Variants in ELAVL2 observed in about 807,000 individuals in gnomAD.
The protein encoded by ELAVL2 is ELAV-like protein 2.
A neutral mutation model predicts 34.6 loss-of-function variants in ELAVL2; 4 were observed. The observed-to-expected ratio is 0.12, with a 90% CI of 0.06 to 0.26. The LOEUF (loss-of-function observed/expected upper bound fraction) is 0.26. ELAVL2 is among the 10% of genes least tolerant of loss of function. The pLI is 1.00. For missense variants in ELAVL2, 432 were observed against 442.8 expected (o/e 0.98, Z 0.22); for synonymous variants, 193 against 154.8 (o/e 1.25, Z -1.83).
chr9:23,739,433 T>A (rs1427299436), intron 2 of ELAVL2, among the ~76,000 whole-genome samples: 1 of 152,164 alleles, frequency 6.6e-6, no homozygotes, highest in Non-Finnish European at 1.5e-5. Context: ...GTTAGGACAT[T>A]AACAACTCTA....
chr9:23,831,923 A>G, the ELAVL2 span, among the ~76,000 whole-genome samples: 51 of 152,330 alleles, frequency 3.3e-4, no homozygotes, highest in East Asian at 1.9e-4. Context: ...GCATCTGGCC[A>G]TGATTCCTAA....
At chr9:23,761,697 G>A (rs13294337) in intron 2 of ELAVL2, among the ~76,000 whole-genome samples, 19,399 of 151,752 alleles carry the variant, frequency 0.13, 1,362 homozygotes, top group East Asian at 0.24. Context: ...TACACTCAGG[G>A]TACTAAAAGA....
chr9:23,790,378 G>T (rs1361469159), intron 1 of ELAVL2, among the ~76,000 whole-genome samples: 1 of 152,174 alleles, frequency 6.6e-6, no homozygotes, highest in Non-Finnish European at 1.5e-5. Flanking sequence ...TTCCCAGTCT[G>T]TGACTGCACA....
At chr9:23,698,850 T>TCCA (rs2036177448) in intron 5 of ELAVL2, among the ~76,000 whole-genome samples, 1 of 152,164 alleles carries the variant, frequency 6.6e-6, no homozygotes, top group African/African-American at 2.4e-5. Context: ...TCTGATTTCT[T>TCCA]CCAACACACC....
Position 23,692,828 on chromosome 9 carries a change from C to T in ELAVL2, c.809G>A (p.Gly270Glu). The T allele has an allele frequency of 6.2e-7, 1 of 1,614,090 alleles. No individual in the cohort carries two copies. Among genetic ancestry groups the T allele is most frequent in the African/African-American group, 1.3e-5 (1 of 75,030 alleles). The change falls in exon 7 of 7, where the codon GGG becomes GAG. Residue 270 changes from glycine (G) to glutamate (E), a missense_variant. Around this residue, in one of 3 missense-constraint regions of ELAVL2, gnomAD observed 295 missense variants for 306.1 expected, o/e 0.96. Coordinates refer to ENST00000397312, the MANE Select transcript of ELAVL2 (RefSeq NM_004432.5). ...TATACACCACCCTGTTCCAGGGTGC[C>T]CAGGGATATTAATTCCAGCCAAACT... is the stretch of plus-strand genomic sequence containing the variant. ...MTSLAGINIP[G>E]HPGTGWCIFV...
At chr9:23,778,433 A>C (rs909322882) in intron 1 of ELAVL2, among the ~76,000 whole-genome samples, 3 of 152,250 alleles carry the variant, frequency 2.0e-5, no homozygotes, top group African/African-American at 7.2e-5. Flanking sequence ...TAACAATTTC[A>C]CATTCATAAA....
At chr9:23,829,062 G>A (rs1406002638), upstream of ELAVL2, among the ~76,000 whole-genome samples, 4 of 152,172 alleles carry the variant, frequency 2.6e-5, no homozygotes. Flanking sequence ...CACAACATCT[G>A]AATTTGCATT....
chr9:23,805,227 G>A (rs979299212), intron 1 of ELAVL2, among the ~76,000 whole-genome samples: 8 of 152,244 alleles, frequency 5.3e-5, no homozygotes, highest in Middle Eastern at 3.4e-3. Context: ...CCACATCTCC[G>A]TAAAAGAAAT....
intron 2 of ELAVL2, among the ~76,000 whole-genome samples, chr9:23,759,295 T>C (rs532234824): frequency 1.2e-4 from 18 of 151,956 alleles, no homozygotes; most frequent in Non-Finnish European, 2.4e-4. Flanking sequence ...GAGGACACTA[T>C]GTTAAGTGAG....
intron 1 of ELAVL2, among the ~76,000 whole-genome samples, chr9:23,775,489 C>T (rs905168805): frequency 6.6e-6 from 1 of 152,190 alleles, no homozygotes; most frequent in Non-Finnish European, 1.5e-5. Context: ...GAAATCAGTG[C>T]TGAGACCCCA....
At chr9:23,694,977 G>A (rs2034616228) in intron 5 of ELAVL2, among the ~76,000 whole-genome samples, 2 of 152,266 alleles carry the variant, frequency 1.3e-5, no homozygotes, top group African/African-American at 4.8e-5. Context: ...ACCAAATAAA[G>A]ACAATGAGGT....
chr9:23,803,072 T>C (rs748009045), intron 1 of ELAVL2, among the ~76,000 whole-genome samples: 4 of 152,186 alleles, frequency 2.6e-5, no homozygotes, highest in Non-Finnish European at 4.4e-5. Context: ...CATGCCTTTA[T>C]GGTGAATCCC....
the ELAVL2 span, among the ~76,000 whole-genome samples, chr9:23,833,497 G>C: frequency 4.0e-5 from 6 of 151,804 alleles, no homozygotes; most frequent in Admixed American, 3.3e-4. Context: ...AGTTTGAAAT[G>C]TGAAAAAAGA....
intron 5 of ELAVL2, among the ~76,000 whole-genome samples, chr9:23,695,597 A>C (rs1356054555): frequency 6.6e-6 from 1 of 152,146 alleles, no homozygotes; most frequent in Non-Finnish European, 1.5e-5. Flanking sequence ...ACAAACCTAG[A>C]TGGTAATAGC....
chr9:23,721,875 T>C (rs889840039), intron 3 of ELAVL2, among the ~76,000 whole-genome samples: 2 of 152,234 alleles, frequency 1.3e-5, no homozygotes, highest in African/African-American at 4.8e-5. Flanking sequence ...ATACAAAATA[T>C]GTGATAACTG....
At chr9:23,824,366 G>GCA (rs2065149612) in intron 1 of ELAVL2, among the ~76,000 whole-genome samples, 1 of 152,180 alleles carries the variant, frequency 6.6e-6, no homozygotes, top group Non-Finnish European at 1.5e-5. Flanking sequence ...AGCTCCAGTG[G>GCA]TGGGCACTGC....
rs1270239548 is a variant in ELAVL2, at chr9:23,704,956, C to A, written c.449G>T (p.Arg150Leu). 5 of 1,613,920 alleles carry A rather than the reference C, an allele frequency of 3.1e-6. No homozygotes were observed. Among genetic ancestry groups the A allele is most frequent in the Non-Finnish European group, 4.2e-6 (5 of 1,179,978 alleles). The change falls in exon 4 of 7, where the codon CGC becomes CTC. Residue 150 changes from arginine to leucine, a missense_variant. Physicochemically the swap from Arg to Leu is moderately radical, Grantham distance 102. This residue lies in a region of ELAVL2 where 295 missense variants were observed against 306.1 expected (regional missense o/e 0.96). Coordinates refer to ENST00000397312, the MANE Select transcript of ELAVL2 (RefSeq NM_004432.5). ...ELEQLFSQYG[R>L]IITSRILVDQ... ...GACAAGAATACGAGAAGTAATAATGCGTCCATATTGTGAAAAAAGCTGTTC... is the reference window on the plus strand; with the variant it reads ...GACAAGAATACGAGAAGTAATAATGAGTCCATATTGTGAAAAAAGCTGTTC...
chr9:23,773,037 T>C lies in ELAVL2; in HGVS notation c.-15-10788A>G, dbSNP rs769415787. ...TCTGTGACTTTTTATGGTAATTAAG[T>C]TCCTGGTTATTTACTACATTTCAAG... On this transcript the variant is annotated intron_variant, in intron 1 of 6. Coordinates refer to ENST00000397312, the MANE Select transcript of ELAVL2 (RefSeq NM_004432.5). 4.1e-4 allele frequency among the ~76,000 whole-genome samples: 62 copies of C among 152,044 alleles called. 2 individuals are homozygous for C. The highest frequency in any genetic ancestry group is 4.1e-4 in the South Asian group (2 of 4,824).
intron 3 of ELAVL2, among the ~76,000 whole-genome samples, chr9:23,727,958 G>A (rs1351647487): frequency 6.6e-6 from 1 of 152,042 alleles, no homozygotes; most frequent in African/African-American, 2.4e-5. Flanking sequence ...ATTCTAAGTG[G>A]CTTGGAGTAC....
Sources: allele counts gnomAD v4.1 joint callset (sites outside exome capture counted in the v4.1 genomes callset), GRCh38; gene constraint gnomAD v4.1.1; regional missense constraint gnomAD v4.1.1; transcripts MANE v1.5; gene names NCBI Gene and HGNC (gene_info 2026-07-23, HGNC 2026-07-21).